Variants in VTI1A observed in about 807,000 individuals in gnomAD.
VTI1A encodes vesicle transport through interaction with t-SNAREs 1A, also known as vesicle transport through interaction with t-SNAREs homolog 1A.
Under a neutral mutation model 34.9 loss-of-function variants are expected in VTI1A, and 22 were observed. That is an observed-to-expected ratio of 0.63 (90% CI 0.45 to 0.90). The LOEUF is 0.90. Among genes scored for constraint, VTI1A ranks in the 40% least tolerant of loss-of-function variants. VTI1A has a pLI of 0.00. For synonymous variants in VTI1A, 87 were observed against 97.3 expected (o/e 0.89, Z 0.62); for missense variants, 268 against 275.6 (o/e 0.97, Z 0.20).
At chr10:112,499,373 G>C (rs1849144907) in intron 3 of VTI1A, among the ~76,000 whole-genome samples, 1 of 151,902 alleles carries the variant, frequency 6.6e-6, no homozygotes, top group Non-Finnish European at 1.5e-5. Context: ...ATCTCCATTG[G>C]ATTCTCTTTT....
chr10:112,502,458 A>G (rs113488203), intron 3 of VTI1A, among the ~76,000 whole-genome samples: 259 of 152,334 alleles, frequency 1.7e-3, no homozygotes, highest in African/African-American at 6.1e-3. Context: ...ACCCCTACAA[A>G]AAAAGAAAGA....
chr10:112,522,850 A>G (rs1210568894), intron 3 of VTI1A, among the ~76,000 whole-genome samples: 1 of 152,132 alleles, frequency 6.6e-6, no homozygotes, highest in Non-Finnish European at 1.5e-5. Flanking sequence ...AAATCTATTT[A>G]CAATGTGGCT....
intron 5 of VTI1A, among the ~76,000 whole-genome samples, chr10:112,574,573 T>C (rs1250016534): frequency 6.6e-6 from 1 of 152,244 alleles, no homozygotes; most frequent in Non-Finnish European, 1.5e-5. Flanking sequence ...GGTTAGTCAG[T>C]TAACCTTTCT....
chr10:112,771,602 G>C (rs1422371683), intron 7 of VTI1A, among the ~76,000 whole-genome samples: 1 of 152,108 alleles, frequency 6.6e-6, no homozygotes, highest in Non-Finnish European at 1.5e-5. Context: ...CAATTCAATG[G>C]GGTTTTTTTA....
intron 5 of VTI1A, among the ~76,000 whole-genome samples, chr10:112,647,231 A>G (rs1293394546): frequency 3.9e-5 from 6 of 152,166 alleles, no homozygotes; most frequent in African/African-American, 1.4e-4. Context: ...TCCTTATCCA[A>G]ATTACATAAA....
chr10:112,737,249 C>CT (rs56710609), intron 7 of VTI1A: 68,326 of 659,968 alleles, frequency 0.1, no homozygotes, highest in Non-Finnish European at 0.12. Context: ...TTTTGTATTT[C>CT]TTTTTTTTTT....
chr10:112,547,720 T>C (rs1305369123), intron 5 of VTI1A, among the ~76,000 whole-genome samples: 3 of 152,226 alleles, frequency 2.0e-5, no homozygotes, highest in Non-Finnish European at 4.4e-5. Context: ...TTTGAATTCA[T>C]TTGACCTAAT....
intron 7 of VTI1A, among the ~76,000 whole-genome samples, chr10:112,779,389 A>G (rs142381927): frequency 7.9e-4 from 121 of 152,348 alleles, no homozygotes; most frequent in African/African-American, 2.7e-3. Context: ...TGACACAGAG[A>G]TAAGCAAGCT....
chr10:112,483,144 C>T (rs1001250148), intron 3 of VTI1A, among the ~76,000 whole-genome samples: 7 of 152,176 alleles, frequency 4.6e-5, no homozygotes, highest in Admixed American at 1.3e-4. Flanking sequence ...GATCTGCCTA[C>T]TCCTGCTATA....
chr10:112,536,744 A>C (rs1282607948), intron 4 of VTI1A, among the ~76,000 whole-genome samples: 5 of 140,070 alleles, frequency 3.6e-5, no homozygotes, highest in Admixed American at 1.4e-4. Flanking sequence ...AATGATTCTC[A>C]CCCCCCCACC....
chr10:112,684,680 C>T (rs765439727), intron 7 of VTI1A, among the ~76,000 whole-genome samples: 3 of 152,084 alleles, frequency 2.0e-5, no homozygotes, highest in African/African-American at 4.8e-5. Flanking sequence ...ACCTCGTGAT[C>T]GGCCCATCTC....
intron 5 of VTI1A, among the ~76,000 whole-genome samples, chr10:112,549,827 T>C (rs1385924535): frequency 6.6e-6 from 1 of 152,212 alleles, no homozygotes; most frequent in Non-Finnish European, 1.5e-5. Context: ...ACCTTACAGT[T>C]ACAAGCCTAT....
chr10:112,622,768 C>T (rs1017103702), intron 5 of VTI1A, among the ~76,000 whole-genome samples: 9 of 152,022 alleles, frequency 5.9e-5, no homozygotes, highest in Admixed American at 1.3e-4. Context: ...TTTAAAAATG[C>T]GAATTTAAAA....
chr10:112,854,152 A>G, the VTI1A span, among the ~76,000 whole-genome samples: 2 of 152,236 alleles, frequency 1.3e-5, no homozygotes, highest in African/African-American at 4.8e-5. Flanking sequence ...GTCTGAACTC[A>G]GTAGTGATGC....
chr10:112,710,000 G>C (rs1418302973), intron 7 of VTI1A, among the ~76,000 whole-genome samples: 3 of 143,862 alleles, frequency 2.1e-5, no homozygotes, highest in African/African-American at 7.9e-5. Context: ...GACAGATCTA[G>C]TATGCCTTAA....
At chr10:112,715,611 TTC>T (rs1373044764) in intron 7 of VTI1A, among the ~76,000 whole-genome samples, 1 of 152,226 alleles carries the variant, frequency 6.6e-6, no homozygotes, top group African/African-American at 2.4e-5. Context: ...TCTCACGCTT[TTC>T]ATCAAGAGCT....
intron 5 of VTI1A, among the ~76,000 whole-genome samples, chr10:112,543,301 A>G (rs1409159337): frequency 6.6e-6 from 1 of 152,164 alleles, no homozygotes; most frequent in East Asian, 1.9e-4. Flanking sequence ...CCAACAGTGT[A>G]AAAGTGTTCC....
intron 7 of VTI1A, among the ~76,000 whole-genome samples, chr10:112,795,355 T>A (rs1458105964): frequency 6.6e-6 from 1 of 152,028 alleles, no homozygotes; most frequent in East Asian, 1.9e-4. Flanking sequence ...GGACTTAGGA[T>A]AGTAGAAGTC....
At chr10:112,569,056 G>A (rs1852014688) in intron 5 of VTI1A, among the ~76,000 whole-genome samples, 1 of 151,942 alleles carries the variant, frequency 6.6e-6, no homozygotes, top group South Asian at 2.1e-4. Context: ...TTGGGAGGCT[G>A]AGCCAGGAGA....
Sources: allele counts gnomAD v4.1 joint callset (sites outside exome capture counted in the v4.1 genomes callset), GRCh38; gene constraint gnomAD v4.1.1; transcripts MANE v1.5; gene names NCBI Gene and HGNC (gene_info 2026-07-23, HGNC 2026-07-21).